BCAS3: variants seen among roughly 807,000 people sequenced by gnomAD.
The protein encoded by BCAS3 is BCAS3 microtubule associated cell migration factor, also known as BCAS4/BCAS3 fusion.
Under a neutral mutation model 116.1 loss-of-function variants are expected in BCAS3, and 53 were observed. The ratio of observed to expected loss-of-function variants is 0.46; its 90% CI spans 0.37 to 0.57. The LOEUF (loss-of-function observed/expected upper bound fraction) is 0.57, where lower values mean the gene tolerates loss of function less well. Ranked by LOEUF, BCAS3 falls within the 20% of genes least tolerant of loss-of-function variation. BCAS3 has a pLI of 0.00. For synonymous variants in BCAS3, 391 were observed against 408.2 expected (o/e 0.96, Z 0.51); for missense variants, 917 against 1,165.4 (o/e 0.79, Z 3.10).
At chr17:61,320,401 G>A (rs937778677) in intron 22 of BCAS3, among the ~76,000 whole-genome samples, 2 of 151,340 alleles carry the variant, frequency 1.3e-5, no homozygotes, top group African/African-American at 2.4e-5. Flanking sequence ...TCAACTGAAG[G>A]CCAGGCGCCG....
At chr17:61,298,824 T>TTATTA (rs879747122) in intron 22 of BCAS3, among the ~76,000 whole-genome samples, 2 of 140,054 alleles carry the variant, frequency 1.4e-5, no homozygotes, top group African/African-American at 2.7e-5. Flanking sequence ...ATTTATTTAT[T>TTATTA]ATTATTATTA....
Position 61,189,072 on chromosome 17 carries a change from C to T in BCAS3, c.2425+104508C>T, listed in dbSNP as rs961772001. On this transcript the variant is annotated intron_variant, in intron 22 of 23. Coordinates refer to ENST00000407086, the MANE Select transcript of BCAS3 (RefSeq NM_017679.5). This position sits in a 1 kb window ranked among gnomAD's most constrained non-coding sequence, Gnocchi z 4.5. Reference sequence around the variant, plus strand: ...GAGCTGCTATTATGCCCCTACACTCCAGCCTGGGTGACAAAACAAGACCCT... The same window carrying T: ...GAGCTGCTATTATGCCCCTACACTCTAGCCTGGGTGACAAAACAAGACCCT... 1.3e-5 allele frequency among the ~76,000 whole-genome samples: 2 copies of T among 152,080 alleles called. No individual in the cohort carries two copies. Among genetic ancestry groups the T allele is most frequent in the African/African-American group, 4.8e-5 (2 of 41,376 alleles).
At chr17:61,005,551 A>C (rs909806028) in intron 15 of BCAS3, among the ~76,000 whole-genome samples, 1 of 152,034 alleles carries the variant, frequency 6.6e-6, no homozygotes, top group Non-Finnish European at 1.5e-5. Flanking sequence ...CATCTGAAGG[A>C]AATGCATCTT....
chr17:61,237,292 C>T (rs1411935001), intron 22 of BCAS3, among the ~76,000 whole-genome samples: 8 of 152,184 alleles, frequency 5.3e-5, no homozygotes, highest in Non-Finnish European at 1.0e-4. Context: ...GCACACCAAT[C>T]AGTGCTCTGT....
At chr17:60,788,169 C>T (rs1187928079) in intron 6 of BCAS3, among the ~76,000 whole-genome samples, 2 of 152,142 alleles carry the variant, frequency 1.3e-5, no homozygotes, top group African/African-American at 4.8e-5. Flanking sequence ...ATTTTGTTTA[C>T]AATTTTCAGC....
At chr17:60,941,592 CTGGTGGATTGTAGAAG>C (rs1420278864) in intron 13 of BCAS3, among the ~76,000 whole-genome samples, 2 of 152,014 alleles carry the variant, frequency 1.3e-5, no homozygotes, top group African/African-American at 2.4e-5. Flanking sequence ...AGTAAACTTA[CTGGTGGATTGTAGAAG>C]CCACATTTGC....
intron 6 of BCAS3, among the ~76,000 whole-genome samples, chr17:60,758,691 G>A (rs955955738): frequency 1.3e-5 from 2 of 152,018 alleles, no homozygotes; most frequent in Non-Finnish European, 1.5e-5. Context: ...CGCTTTTCTA[G>A]TTTCTTGAGG....
rs755073133 is a variant in BCAS3 at position 60,679,525 on chromosome 17, G to A, written c.68G>A (p.Arg23His). 4.3e-6 allele frequency: 7 copies of A among 1,612,738 alleles called. No homozygotes were observed. The highest frequency in any genetic ancestry group is 2.2e-5 in the South Asian group (2 of 90,952). ...PSRCTGGVVV[R>H]PQAVTEQSYM... ...CGTTGTACTGGTGGAGTTGTGGTTC[G>A]CCCCCAGGCTGTCACGTAAGCACAT... Residue 23 changes from arginine (R) to histidine (H), a missense_variant, in exon 2 of 24, where the codon CGC becomes CAC. Around this residue, in one of 3 missense-constraint regions of BCAS3, gnomAD observed 807 missense variants for 1,026.0 expected, o/e 0.79. Coordinates refer to ENST00000407086, the MANE Select transcript of BCAS3 (RefSeq NM_017679.5).
intron 4 of BCAS3, 24 bp from the exon 5 acceptor site, chr17:60,709,195 C>A: frequency 8.8e-6 from 11 of 1,249,222 alleles, no homozygotes; most frequent in Non-Finnish European, 1.3e-5. Flanking sequence ...AAATTTGCTT[C>A]TTTGTTACTT....
chr17:61,067,740 A>ATATATATAT (rs1555697138), intron 19 of BCAS3, among the ~76,000 whole-genome samples: 6 of 133,742 alleles, frequency 4.5e-5, no homozygotes, highest in African/African-American at 2.0e-4. Context: ...AAAAAAAAAA[A>ATATATATAT]ATATATATAT....
rs867380629 is a variant in BCAS3, at chr17:61,073,785, C to T, written c.2030-1135C>T. On this transcript the variant is annotated intron_variant, in intron 19 of 23. Transcript: ENST00000407086. This position sits in a 1 kb window ranked among gnomAD's most constrained non-coding sequence, Gnocchi z 4.6. ...ACCTCCCCTCTTTTTCTCTGTTCCT[C>T]CCAGTACTTCATTGCTTGATTTCTC... 1.3e-5 allele frequency among the ~76,000 whole-genome samples: 2 copies of T among 152,014 alleles called. No homozygotes were observed. The highest frequency in any genetic ancestry group is 2.9e-5 in the Non-Finnish European group (2 of 68,004).
At chr17:60,848,706 AT>A (rs201671554) in intron 7 of BCAS3, among the ~76,000 whole-genome samples, 47 of 147,260 alleles carry the variant, frequency 3.2e-4, no homozygotes, top group African/African-American at 9.2e-4. Context: ...TTCCTTCTTT[AT>A]TTTTTTTTTA....
intron 2 of BCAS3, among the ~76,000 whole-genome samples, chr17:60,681,066 A>G (rs2143793537): frequency 6.6e-6 from 1 of 152,292 alleles, no homozygotes; most frequent in East Asian, 1.9e-4. Flanking sequence ...TTAGCCAGGC[A>G]TTGTGGCAGG....
intron 22 of BCAS3, among the ~76,000 whole-genome samples, chr17:61,306,907 T>G (rs1310791388): frequency 1.3e-5 from 2 of 152,234 alleles, no homozygotes; most frequent in African/African-American, 4.8e-5. Flanking sequence ...AACTTTGGAT[T>G]TTTCCCCAGG....
chr17:61,003,666 G>A (rs1322470807), intron 15 of BCAS3: 1 of 152,048 alleles, frequency 6.6e-6, no homozygotes, highest in East Asian at 1.9e-4. Context: ...CTGAGGCCTA[G>A]ACTCCATCAG....
Position 60,757,055 on chromosome 17 carries a change from C to T in BCAS3, c.403+9776C>T, listed in dbSNP as rs147486519. ...GCGCGTGCCTGTAGTCGCAGCTACT[C>T]GGGAGGCTGAGGCAGCTGAATCCCT... On this transcript the variant is annotated intron_variant, in intron 6 of 23. Transcript: ENST00000407086. Among the ~76,000 whole-genome samples, 349 of 152,042 alleles carry T rather than the reference C, an allele frequency of 2.3e-3. 7 individuals carry two copies. Among genetic ancestry groups the T allele is most frequent in the South Asian group, 0.017 (80 of 4,806 alleles).
At chr17:61,075,809 GC>G (rs1207157123) in intron 20 of BCAS3, among the ~76,000 whole-genome samples, 1 of 152,158 alleles carries the variant, frequency 6.6e-6, no homozygotes, top group Non-Finnish European at 1.5e-5. Flanking sequence ...TTCTGATGGT[GC>G]CTTGGTTTCC....
chr17:60,886,433 C>T (rs1381906243), intron 9 of BCAS3: 1 of 152,174 alleles, frequency 6.6e-6, no homozygotes, highest in African/African-American at 2.4e-5. Flanking sequence ...CTGAAGCCTT[C>T]TTCTCTCAGC....
At position 60,957,916 on chromosome 17, in the gene BCAS3, T is replaced by C. The variant is rs1389424639; in HGVS notation, c.1221+10564T>C. On this transcript the variant is annotated intron_variant, in intron 14 of 23. Coordinates refer to ENST00000407086, the MANE Select transcript of BCAS3 (RefSeq NM_017679.5). ...TTAGGACCTCTACTTTTGGCCAATA[T>C]AGCGTTAAGAGCTGGATTAACCCTC... 4.6e-5 allele frequency among the ~76,000 whole-genome samples: 7 copies of C among 152,220 alleles called. No homozygotes were observed. The East Asian group carries it at 1.2e-3, about 25-fold the overall frequency.
Sources: allele counts gnomAD v4.1 joint callset (sites outside exome capture counted in the v4.1 genomes callset), GRCh38; gene constraint gnomAD v4.1.1; regional missense constraint gnomAD v4.1.1; non-coding constraint Gnocchi (gnomAD v3.1); transcripts MANE v1.5; gene names NCBI Gene and HGNC (gene_info 2026-07-23, HGNC 2026-07-21).